Variants in LMBR1 observed in about 807,000 individuals in gnomAD.
The protein encoded by LMBR1 is limb development membrane protein 1.
A neutral mutation model predicts 73.9 loss-of-function variants in LMBR1; 52 were observed. The ratio of observed to expected loss-of-function variants is 0.70; its 90% confidence interval spans 0.56 to 0.89. LMBR1 has a LOEUF of 0.89. LMBR1 is among the 40% of genes least tolerant of loss of function. The pLI is 0.00. For synonymous variants in LMBR1, 215 were observed against 209.4 expected, an observed-to-expected ratio of 1.03 and a Z score of -0.23; for missense variants, 539 against 579.8, an observed-to-expected ratio of 0.93 and a Z score of 0.72.
At chr7:156,874,480 A>C (rs1265253789) in intron 1 of LMBR1, among the ~76,000 whole-genome samples, 1 of 152,214 alleles carries the variant, frequency 6.6e-6, no homozygotes, top group Non-Finnish European at 1.5e-5. Context: ...AGGGCTCCTC[A>C]AATGCCACCA....
intron 15 of LMBR1, among the ~76,000 whole-genome samples, chr7:156,711,107 G>A (rs530744174): frequency 3.9e-5 from 6 of 152,246 alleles, no homozygotes; most frequent in Admixed American, 1.3e-4. Context: ...TCAGGAGATC[G>A]AGACCATCCT....
chr7:156,696,121 T>C (rs1053712541), intron 15 of LMBR1, among the ~76,000 whole-genome samples: 28 of 152,164 alleles, frequency 1.8e-4, no homozygotes, highest in African/African-American at 6.0e-4. Flanking sequence ...GAAGAAAACA[T>C]AGAGGACAGT....
At chr7:156,756,083 A>G (rs925212307) in intron 9 of LMBR1, among the ~76,000 whole-genome samples, 4 of 152,238 alleles carry the variant, frequency 2.6e-5, no homozygotes, top group Admixed American at 2.0e-4. Flanking sequence ...TTCAAAAACC[A>G]TCAGTAATTA....
At chr7:156,726,410 T>A (rs1390145211) in intron 12 of LMBR1, among the ~76,000 whole-genome samples, 1 of 151,982 alleles carries the variant, frequency 6.6e-6, no homozygotes, top group Non-Finnish European at 1.5e-5. Context: ...ATGCTATAAA[T>A]TTTTTCCTAA....
intron 1 of LMBR1, among the ~76,000 whole-genome samples, chr7:156,838,518 G>A (rs1446127856): frequency 6.6e-6 from 1 of 152,090 alleles, no homozygotes; most frequent in Non-Finnish European, 1.5e-5. Context: ...TGTCTTCCAG[G>A]TTCATCCATC....
At chr7:156,837,602 A>G (rs917542943) in intron 1 of LMBR1, among the ~76,000 whole-genome samples, 6 of 152,144 alleles carry the variant, frequency 3.9e-5, no homozygotes, top group Non-Finnish European at 7.3e-5. Flanking sequence ...AGAATGTGCC[A>G]GCACCAAAAA....
rs201275771 is a variant in LMBR1 at position 156,704,755 on chromosome 7, TA to T, written c.1226-16565del. 3.1e-3 allele frequency among the ~76,000 whole-genome samples: 422 copies of T among 136,810 alleles called. 1 individual carries two copies. Among genetic ancestry groups the T allele is most frequent in the Middle Eastern group, 0.011 (3 of 270 alleles). 89.8% of individuals were successfully genotyped at this position (136,810 alleles called of 152,430 possible). On this transcript the variant is annotated intron_variant, in intron 15 of 16. Transcript: ENST00000353442. ...AGTTTACTAAGGAAATAGTTGTCTT[TA>T]AAAAAAAAAAAAACCAGAAATTCTG...
At chr7:156,877,375 A>T (rs1378662042) in intron 1 of LMBR1, among the ~76,000 whole-genome samples, 1 of 152,208 alleles carries the variant, frequency 6.6e-6, no homozygotes, top group Admixed American at 6.5e-5. Flanking sequence ...AGATAAAGAG[A>T]AAATCCTCCC....
chr7:156,802,139 C>T (rs951248650), intron 4 of LMBR1, among the ~76,000 whole-genome samples: 6 of 152,088 alleles, frequency 3.9e-5, no homozygotes, highest in African/African-American at 7.2e-5. Flanking sequence ...CGCGCCACTG[C>T]GCCAGGCTAA....
At chr7:156,770,615 C>G (rs1295162266) in intron 5 of LMBR1, among the ~76,000 whole-genome samples, 1 of 152,120 alleles carries the variant, frequency 6.6e-6, no homozygotes, top group Non-Finnish European at 1.5e-5. Flanking sequence ...TAGCAAACCA[C>G]AATACAGGAA....
intron 5 of LMBR1, among the ~76,000 whole-genome samples, chr7:156,790,617 T>C (rs1829041991): frequency 6.6e-6 from 1 of 151,966 alleles, no homozygotes; most frequent in African/African-American, 2.4e-5. Context: ...ATATGGAAAC[T>C]GAGTGATGTT....
At chr7:156,876,396 G>A (rs1800176134) in intron 1 of LMBR1, among the ~76,000 whole-genome samples, 1 of 152,074 alleles carries the variant, frequency 6.6e-6, no homozygotes, top group East Asian at 1.9e-4. Context: ...TCCACTGACA[G>A]CACTAAACAG....
Position 156,807,089 on chromosome 7 carries a change from T to C in LMBR1, c.320-10597A>G, listed in dbSNP as rs78432247. ...ACATGGATTGGCATTGCAAAAGTCATGATGTATTATCATTTTTATACAGTG... is the reference window on the plus strand; with the variant it reads ...ACATGGATTGGCATTGCAAAAGTCACGATGTATTATCATTTTTATACAGTG... On this transcript the variant is annotated intron_variant, in intron 4 of 16. Transcript: ENST00000353442. Among the ~76,000 whole-genome samples, 11 of 152,330 alleles carry C rather than the reference T, an allele frequency of 7.2e-5. No homozygotes were observed. In the East Asian group the frequency reaches 2.1e-3, roughly 29 times the overall value.
chr7:156,871,229 C>A (rs1025671478), intron 1 of LMBR1, among the ~76,000 whole-genome samples: 3 of 152,138 alleles, frequency 2.0e-5, no homozygotes, highest in African/African-American at 7.2e-5. Flanking sequence ...ACCCTACCAA[C>A]AAGACTAAAT....
chr7:156,844,804 G>A (rs548330868), intron 1 of LMBR1, among the ~76,000 whole-genome samples: 4 of 152,178 alleles, frequency 2.6e-5, no homozygotes, highest in Non-Finnish European at 5.9e-5. Context: ...CTGGAAGAAG[G>A]AGGCAGCATG....
At chr7:156,852,426 C>T (rs1796358303) in intron 1 of LMBR1, among the ~76,000 whole-genome samples, 1 of 152,088 alleles carries the variant, frequency 6.6e-6, no homozygotes, top group South Asian at 2.1e-4. Flanking sequence ...CTTAAGGTTT[C>T]CTGTACTATC....
At chr7:156,881,630 A>G (rs950954974) in intron 1 of LMBR1, among the ~76,000 whole-genome samples, 10 of 152,214 alleles carry the variant, frequency 6.6e-5, no homozygotes, top group African/African-American at 2.4e-4. Flanking sequence ...GCACGAAAGT[A>G]AAAACAACTA....
chr7:156,821,743 C>A (rs1421023048), intron 4 of LMBR1, among the ~76,000 whole-genome samples: 1 of 151,890 alleles, frequency 6.6e-6, no homozygotes. Context: ...AGTGGATAGG[C>A]TGACTGGCTC....
Position 156,696,578 on chromosome 7 carries a change from G to A in LMBR1, c.1226-8387C>T, listed in dbSNP as rs112121344. Among the ~76,000 whole-genome samples, 968 of 152,236 alleles carry A rather than the reference G, an allele frequency of 6.4e-3. 21 individuals are homozygous for A. The South Asian group carries it at 0.079, about 12-fold the overall frequency. On this transcript the variant is annotated intron_variant, in intron 15 of 16. Transcript: ENST00000353442. ...GGGCGAAAGGCACTTCTCACATAGC[G>A]GCAGCAAGACAGAATGGAAGCTTGT... is the stretch of plus-strand genomic sequence containing the variant.
Sources: gnomAD v4.1 joint callset for allele counts (sites outside exome capture counted in the v4.1 genomes callset) on GRCh38, gnomAD v4.1.1 for gene constraint, MANE v1.5 for transcripts, NCBI Gene and HGNC (gene_info 2026-07-23, HGNC 2026-07-21) for gene names.